DLGAP2: variants seen among roughly 807,000 people sequenced by gnomAD.
DLGAP2 encodes the protein DLG associated protein 2.
DLGAP2 carries 26 observed loss-of-function variants against 100.3 expected under a neutral mutation model. That is an observed-to-expected ratio of 0.26 (90% CI 0.19 to 0.36). DLGAP2 has a LOEUF of 0.36. Among genes scored for constraint, DLGAP2 ranks in the 10% least tolerant of loss-of-function variants. The pLI is 1.00. For missense variants in DLGAP2, 1,858 were observed against 1,453.2 expected (o/e 1.28, Z -4.53); for synonymous variants, 886 against 630.1 (o/e 1.41, Z -6.08).
chr8:1,046,666 T>A (rs1391232631), intron 2 of DLGAP2, among the ~76,000 whole-genome samples: 2 of 152,212 alleles, frequency 1.3e-5, no homozygotes, highest in African/African-American at 4.8e-5. Context: ...ATTGACTCTC[T>A]CCTTAGCATC....
At chr8:763,467 T>C (rs1471408265) in intron 1 of DLGAP2, among the ~76,000 whole-genome samples, 1 of 152,228 alleles carries the variant, frequency 6.6e-6, no homozygotes, top group Non-Finnish European at 1.5e-5. Context: ...GGAGAACTTA[T>C]CAATGGCATC....
At chr8:1,338,498 C>G (rs114488238) in intron 3 of DLGAP2, among the ~76,000 whole-genome samples, 2 of 152,320 alleles carry the variant, frequency 1.3e-5, no homozygotes, top group East Asian at 1.9e-4. Flanking sequence ...GAAGGAGTAA[C>G]TGCTGATTGA....
chr8:1,446,476 G>T (rs1383683807), intron 3 of DLGAP2, among the ~76,000 whole-genome samples: 2 of 152,170 alleles, frequency 1.3e-5, no homozygotes, highest in Admixed American at 1.3e-4. Context: ...CCAGTACCAT[G>T]CTGTTTTGGT....
intron 4 of DLGAP2, among the ~76,000 whole-genome samples, chr8:1,531,199 G>A (rs899142105): frequency 3.3e-5 from 5 of 151,348 alleles, no homozygotes; most frequent in Admixed American, 3.3e-4. Context: ...GGTTAAGTAT[G>A]GTGCATTAAT....
At chr8:1,442,622 G>A (rs1310032532) in intron 3 of DLGAP2, among the ~76,000 whole-genome samples, 16 of 138,382 alleles carry the variant, frequency 1.2e-4, no homozygotes, top group African/African-American at 3.3e-4. Context: ...GCATAGACCC[G>A]CCAGGCTGAT....
At chr8:925,015 G>T (rs1180223997) in intron 2 of DLGAP2, among the ~76,000 whole-genome samples, 2 of 152,176 alleles carry the variant, frequency 1.3e-5, no homozygotes, top group Non-Finnish European at 2.9e-5. Context: ...TGTATTGATA[G>T]TTGATAATGG....
At chr8:905,068 G>T (rs1798348222) in intron 1 of DLGAP2, among the ~76,000 whole-genome samples, 1 of 152,184 alleles carries the variant, frequency 6.6e-6, no homozygotes, top group Non-Finnish European at 1.5e-5. Context: ...AACGTTAGGG[G>T]TGAGCGCCTT....
At chr8:1,274,944 C>T (rs1799653335) in intron 3 of DLGAP2, among the ~76,000 whole-genome samples, 1 of 152,090 alleles carries the variant, frequency 6.6e-6, no homozygotes, top group South Asian at 2.1e-4. Flanking sequence ...TTGCGGCAGC[C>T]ATGAGTGAGT....
At chr8:1,685,586 C>G (rs1170649916) in intron 12 of DLGAP2, among the ~76,000 whole-genome samples, 1 of 152,038 alleles carries the variant, frequency 6.6e-6, no homozygotes, top group African/African-American at 2.4e-5. Flanking sequence ...ATGGGGAAAT[C>G]AGACAATAAA....
chr8:1,425,185 G>C (rs1797204662), intron 3 of DLGAP2, among the ~76,000 whole-genome samples: 1 of 152,138 alleles, frequency 6.6e-6, no homozygotes, highest in Non-Finnish European at 1.5e-5. Flanking sequence ...TAACTCCATA[G>C]CCTCAGTCAT....
intron 4 of DLGAP2, among the ~76,000 whole-genome samples, chr8:1,536,077 T>A (rs17681489): frequency 0.14 from 20,980 of 152,200 alleles, 1,809 homozygotes; most frequent in East Asian, 0.26. Context: ...TTAAACCGTT[T>A]GTGACAGTCA....
chr8:1,232,122 G>A (rs1798548200), intron 2 of DLGAP2, among the ~76,000 whole-genome samples: 1 of 152,166 alleles, frequency 6.6e-6, no homozygotes, highest in South Asian at 2.1e-4. Context: ...GGTTATTTGA[G>A]GAGCTCTCAT....
At position 1,470,003 on chromosome 8, in the gene DLGAP2, G is replaced by GAA. The variant is rs11441796; in HGVS notation, c.107-31355_107-31354dup. Among the ~76,000 whole-genome samples, 4 of 149,022 alleles carry GAA rather than the reference G, an allele frequency of 2.7e-5. 1 individual carries two copies. The highest frequency in any genetic ancestry group is 3.0e-5 in the Non-Finnish European group (2 of 67,388). ...AGACCTCATCCCTAAAAAAAAAAAAGAAAAAAAAATTAGCCAAGCCTGGTG... is the reference window on the plus strand; with the variant it reads ...AGACCTCATCCCTAAAAAAAAAAAAGAAAAAAAAAAATTAGCCAAGCCTGGTG... On this transcript the variant is annotated intron_variant, in intron 3 of 14. Transcript: ENST00000637795.
chr8:914,260 C>T (rs1004175785), intron 2 of DLGAP2, among the ~76,000 whole-genome samples: 9 of 152,214 alleles, frequency 5.9e-5, no homozygotes, highest in South Asian at 2.1e-4. Context: ...GAGCCTCCCC[C>T]GTGACCCGCC....
chr8:1,577,824 G>C (rs1252242516), intron 6 of DLGAP2, among the ~76,000 whole-genome samples: 1 of 152,104 alleles, frequency 6.6e-6, no homozygotes, highest in Non-Finnish European at 1.5e-5. Context: ...CACTCAGCGT[G>C]GTCAGCACTG....
chr8:1,548,020 C>A (rs1484924014), intron 4 of DLGAP2, among the ~76,000 whole-genome samples: 1 of 152,164 alleles, frequency 6.6e-6, no homozygotes, highest in Non-Finnish European at 1.5e-5. Flanking sequence ...TACAACTATG[C>A]TTTTCCCCCA....
chr8:1,026,539 T>A (rs1278584639), intron 2 of DLGAP2, among the ~76,000 whole-genome samples: 6 of 152,232 alleles, frequency 3.9e-5, no homozygotes, highest in Admixed American at 2.6e-4. Flanking sequence ...CTTTTTCCTT[T>A]TCTTTGCAGG....
Position 1,329,679 on chromosome 8 carries a change from G to C in DLGAP2, c.106+70796G>C, listed in dbSNP as rs1801104251. ...GTTGCCTTCTAACTGCAGAGACCATGGGGGTGAATGAAGATGAGCCGTGCG... is the reference window on the plus strand; with the variant it reads ...GTTGCCTTCTAACTGCAGAGACCATCGGGGTGAATGAAGATGAGCCGTGCG... On this transcript the variant is annotated intron_variant, in intron 3 of 14. Transcript: ENST00000637795. Among the ~76,000 whole-genome samples the C allele has an allele frequency of 3.3e-5, 5 of 152,272 alleles. No homozygotes were observed. The South Asian group carries it at 1.0e-3, about 32-fold the overall frequency.
chr8:1,046,279 T>C lies in DLGAP2; in HGVS notation c.73+138313T>C, dbSNP rs191797063. Among the ~76,000 whole-genome samples, 34 of 152,370 alleles carry C rather than the reference T, an allele frequency of 2.2e-4. 1 individual carries two copies. The highest frequency in any genetic ancestry group is 1.0e-3 in the Admixed American group (16 of 15,306). ...GAAATCCATGCCATAGGACATTTGC[T>C]CTGCCAGTTTGGGATCAAGAATGTC... On this transcript the variant is annotated intron_variant, in intron 2 of 14. Coordinates refer to ENST00000637795, the MANE Select transcript of DLGAP2 (RefSeq NM_001346810.2).
Sources: gnomAD v4.1 joint callset for allele counts (sites outside exome capture counted in the v4.1 genomes callset) on GRCh38, gnomAD v4.1.1 for gene constraint, MANE v1.5 for transcripts, NCBI Gene and HGNC (gene_info 2026-07-23, HGNC 2026-07-21) for gene names.